NPAS3: variants seen among roughly 807,000 people sequenced by gnomAD.
NPAS3 encodes neuronal PAS domain protein 3, also known as neuronal PAS domain-containing protein 3.
Under a neutral mutation model 73.1 loss-of-function variants are expected in NPAS3, and 14 were observed. The observed-to-expected ratio is 0.19, with a 90% CI of 0.13 to 0.30. NPAS3 has a LOEUF of 0.30. NPAS3 is among the 10% of genes least tolerant of loss of function. The pLI is 1.00. For missense variants in NPAS3, 1,096 were observed against 1,250.0 expected, an observed-to-expected ratio of 0.88 and a Z score of 1.86; for synonymous variants, 620 against 541.5, an observed-to-expected ratio of 1.14 and a Z score of -2.01.
intron 5 of NPAS3, among the ~76,000 whole-genome samples, chr14:33,666,151 C>G (rs905758498): frequency 3.3e-5 from 5 of 152,164 alleles, no homozygotes; most frequent in Non-Finnish European, 5.9e-5. Flanking sequence ...CTATCTATCT[C>G]TTTAGGGCCT....
At chr14:33,753,656 A>C (rs969136660) in intron 7 of NPAS3, among the ~76,000 whole-genome samples, 1 of 152,216 alleles carries the variant, frequency 6.6e-6, no homozygotes, top group East Asian at 1.9e-4. Flanking sequence ...ACAAAGCAAG[A>C]AAATATATAC....
chr14:33,647,274 C>CTG (rs2058857919), intron 5 of NPAS3, among the ~76,000 whole-genome samples: 1 of 148,388 alleles, frequency 6.7e-6, no homozygotes, highest in Admixed American at 6.7e-5. Context: ...TTCTTACTCT[C>CTG]TCTCTCTCTC....
At chr14:33,310,277 C>A (rs564281511) in intron 3 of NPAS3, among the ~76,000 whole-genome samples, 1 of 151,302 alleles carries the variant, frequency 6.6e-6, no homozygotes, top group East Asian at 2.0e-4. Flanking sequence ...AGCTAGTAGC[C>A]TCAAACTGTA....
At chr14:33,321,004 T>G (rs1272055260) in intron 3 of NPAS3, among the ~76,000 whole-genome samples, 3 of 152,092 alleles carry the variant, frequency 2.0e-5, no homozygotes, top group African/African-American at 7.2e-5. Flanking sequence ...CAGAGAACAT[T>G]GCTTCTCAGA....
intron 4 of NPAS3, among the ~76,000 whole-genome samples, chr14:33,398,194 A>G (rs2047304005): frequency 6.6e-6 from 1 of 152,138 alleles, no homozygotes. Flanking sequence ...TGCTTGGAGC[A>G]GAGTCTAATT....
intron 2 of NPAS3, among the ~76,000 whole-genome samples, chr14:33,094,783 C>A (rs372154937): frequency 1.6e-4 from 25 of 152,230 alleles, no homozygotes; most frequent in African/African-American, 5.5e-4. Context: ...TAATAACAGA[C>A]ATAATTGTTA....
intron 3 of NPAS3, among the ~76,000 whole-genome samples, chr14:33,268,980 A>G (rs1293974950): frequency 6.6e-6 from 1 of 152,166 alleles, no homozygotes; most frequent in Non-Finnish European, 1.5e-5. Flanking sequence ...GTCATGGCAG[A>G]CTAATGCTTT....
At chr14:33,569,099 A>G (rs1433210825) in intron 5 of NPAS3, among the ~76,000 whole-genome samples, 1 of 152,206 alleles carries the variant, frequency 6.6e-6, no homozygotes, top group Non-Finnish European at 1.5e-5. Context: ...ACAGATATAA[A>G]TAATTTCCAA....
chr14:32,942,857 A>C (rs181453910), intron 1 of NPAS3, among the ~76,000 whole-genome samples: 266 of 152,342 alleles, frequency 1.7e-3, no homozygotes, highest in Middle Eastern at 0.01. Flanking sequence ...TTCATATCAC[A>C]AGGCCAAGGG....
At chr14:33,136,541 G>T (rs1048670070) in intron 2 of NPAS3, among the ~76,000 whole-genome samples, 5 of 152,156 alleles carry the variant, frequency 3.3e-5, no homozygotes, top group African/African-American at 1.2e-4. Flanking sequence ...TAAGTGGTAG[G>T]ATCACCATTT....
intron 5 of NPAS3, among the ~76,000 whole-genome samples, chr14:33,566,603 A>G (rs2055957128): frequency 6.6e-6 from 1 of 152,080 alleles, no homozygotes; most frequent in African/African-American, 2.4e-5. Flanking sequence ...GATCATCTAT[A>G]TTGGCAGGGA....
rs2046313216 is a variant in NPAS3, at chr14:33,195,281, G to GT, written c.141-19895dup. On this transcript the variant is annotated intron_variant, in intron 2 of 11. Transcript: ENST00000356141. ...GTTTTTTTTTGTTTTGTTTTCTTTT[G>GT]TTTTTTCAAGATTGAGTCTTGCTCT... Among the ~76,000 whole-genome samples the GT allele has an allele frequency of 2.7e-5, 4 of 150,828 alleles. No homozygotes were observed. The South Asian group carries it at 8.4e-4, about 32-fold the overall frequency.
chr14:33,566,524 A>G (rs540920360), intron 5 of NPAS3, among the ~76,000 whole-genome samples: 2 of 152,282 alleles, frequency 1.3e-5, no homozygotes, highest in Non-Finnish European at 2.9e-5. Flanking sequence ...AGCCAGGCAG[A>G]AGAATACAGC....
At chr14:32,966,301 T>C (rs2037155510) in intron 1 of NPAS3, among the ~76,000 whole-genome samples, 1 of 152,164 alleles carries the variant, frequency 6.6e-6, no homozygotes, top group Admixed American at 6.5e-5. Context: ...CTTTAAAATA[T>C]ACTACAAAAG....
intron 6 of NPAS3, among the ~76,000 whole-genome samples, chr14:33,722,689 T>A (rs750919672): frequency 4.0e-4 from 61 of 152,162 alleles, no homozygotes; most frequent in Non-Finnish European, 7.8e-4. Flanking sequence ...ATGTCAAAAA[T>A]AGAGATTCAT....
chr14:33,519,810 G>A (rs183716191), intron 4 of NPAS3, among the ~76,000 whole-genome samples: 1 of 152,204 alleles, frequency 6.6e-6, no homozygotes, highest in African/African-American at 2.4e-5. Flanking sequence ...CCACATTTGT[G>A]TTTGAACCCA....
intron 5 of NPAS3, among the ~76,000 whole-genome samples, chr14:33,629,369 C>A (rs1274245976): frequency 1.3e-5 from 2 of 152,092 alleles, no homozygotes; most frequent in Admixed American, 1.3e-4. Flanking sequence ...GGATCATTAT[C>A]AGAATTGCCC....
intron 6 of NPAS3, among the ~76,000 whole-genome samples, chr14:33,717,230 CAAAAAAA>C (rs35800734): frequency 3.4e-4 from 35 of 102,208 alleles, no homozygotes; most frequent in Admixed American, 9.9e-4. Context: ...TGATCATGGC[CAAAAAAA>C]AAAAAAAAAA....
At chr14:32,981,833 G>T (rs1373513720) in intron 1 of NPAS3, among the ~76,000 whole-genome samples, 1 of 152,150 alleles carries the variant, frequency 6.6e-6, no homozygotes, top group Non-Finnish European at 1.5e-5. Context: ...TTGCACAAAT[G>T]GAAATAATCC....
Sources: allele counts gnomAD v4.1 joint callset (sites outside exome capture counted in the v4.1 genomes callset), GRCh38; gene constraint gnomAD v4.1.1; transcripts MANE v1.5; gene names NCBI Gene and HGNC (gene_info 2026-07-23, HGNC 2026-07-21).